Variants in LRRC8C observed in about 807,000 individuals in gnomAD.
The protein encoded by LRRC8C is volume-regulated anion channel subunit LRRC8C.
LRRC8C carries 20 observed loss-of-function variants against 55.3 expected under a neutral mutation model. That is an observed-to-expected ratio of 0.36 (90% CI 0.25 to 0.53). LRRC8C has a LOEUF of 0.53. Among genes scored for constraint, LRRC8C ranks in the 20% least tolerant of loss-of-function variants. The probability of loss-of-function intolerance (pLI) is 0.92; values close to 1 mark genes in which losing one functional copy is unlikely to be tolerated. For missense variants in LRRC8C, 659 were observed against 951.4 expected (o/e 0.69, Z 4.04); for synonymous variants, 376 against 360.7 (o/e 1.04, Z -0.48).
At chr1:89,662,576 C>T (rs772913177) in intron 1 of LRRC8C, among the ~76,000 whole-genome samples, 1 of 152,008 alleles carries the variant, frequency 6.6e-6, no homozygotes, top group East Asian at 1.9e-4. Flanking sequence ...TGGCTTGGAT[C>T]GGGGTAGCAG....
chr1:89,656,062 G>A (rs975243505), intron 1 of LRRC8C, among the ~76,000 whole-genome samples: 4 of 152,214 alleles, frequency 2.6e-5, no homozygotes, highest in African/African-American at 9.7e-5. Context: ...ATCTTACAGC[G>A]AGAGGTACAA....
intron 1 of LRRC8C, among the ~76,000 whole-genome samples, chr1:89,684,988 A>G (rs1403769636): frequency 2.0e-4 from 31 of 152,272 alleles, no homozygotes; most frequent in Non-Finnish European, 1.5e-4. Flanking sequence ...AAATTATTGT[A>G]TAAGAAAGTC....
At chr1:89,663,172 A>T (rs1328338803) in intron 1 of LRRC8C, among the ~76,000 whole-genome samples, 1 of 152,156 alleles carries the variant, frequency 6.6e-6, no homozygotes, top group Non-Finnish European at 1.5e-5. Flanking sequence ...TTATGGCTAC[A>T]TAGTATTCCA....
Position 89,713,561 on chromosome 1 carries a change from G to T in LRRC8C, c.991G>T (p.Gly331Ter). 6.2e-7 allele frequency: 1 copy of T among 1,614,100 alleles called. No individual in the cohort carries two copies. Among genetic ancestry groups the T allele is most frequent in the Non-Finnish European group, 8.5e-7 (1 of 1,180,024 alleles). ...CTATCTGTGCTTTGTTAGTATCTAT[G>T]GATTGACGTGCCTTTATACCTTATA... ...FCYLCFVSIY[G>*]LTCLYTLYWL... is the part of the protein sequence containing the mutation. Residue 331 changes from glycine (G) to a stop codon, truncating the protein, a stop_gained, in exon 3 of 3, where the codon GGA (glycine) becomes TGA (stop). Coordinates refer to ENST00000370454, the MANE Select transcript of LRRC8C (RefSeq NM_032270.5). LOFTEE classifies it high-confidence loss of function. This position sits in a 1 kb window ranked among gnomAD's most constrained non-coding sequence, Gnocchi z 5.2.
intron 1 of LRRC8C, among the ~76,000 whole-genome samples, chr1:89,678,280 G>A (rs2101256594): frequency 6.6e-6 from 1 of 152,348 alleles, no homozygotes; most frequent in South Asian, 2.1e-4. Context: ...CATTAGTTGA[G>A]TATCTAATAC....
At chr1:89,627,868 C>G in the LRRC8C span, among the ~76,000 whole-genome samples, 5 of 152,186 alleles carry the variant, frequency 3.3e-5, no homozygotes, top group African/African-American at 9.7e-5. Context: ...CATCCCAAAT[C>G]TGAGGTGCTC....
intron 2 of LRRC8C, among the ~76,000 whole-genome samples, chr1:89,701,676 C>T (rs995186690): frequency 4.6e-5 from 7 of 152,016 alleles, no homozygotes; most frequent in African/African-American, 1.7e-4. Flanking sequence ...TAATTTGTCT[C>T]GACTAATTTT....
the LRRC8C span, among the ~76,000 whole-genome samples, chr1:89,627,964 A>T: frequency 6.6e-6 from 1 of 152,200 alleles, no homozygotes; most frequent in South Asian, 2.1e-4. Flanking sequence ...CTCAACTGGT[A>T]AGTATAGTGC....
intron 2 of LRRC8C, among the ~76,000 whole-genome samples, chr1:89,700,959 C>T (rs1251908141): frequency 6.6e-6 from 1 of 152,190 alleles, no homozygotes; most frequent in Admixed American, 6.5e-5. Flanking sequence ...AATTTTCTTA[C>T]TTCCTCTTCC....
chr1:89,664,228 C>G (rs937518408), intron 1 of LRRC8C, among the ~76,000 whole-genome samples: 2 of 152,128 alleles, frequency 1.3e-5, no homozygotes, highest in Admixed American at 6.6e-5. Flanking sequence ...TGCCTATGTC[C>G]TGAATGGTAT....
In LRRC8C at chr1:89,634,599, G is replaced by A. The variant is rs147466432; in HGVS notation, c.-5+1277G>A. Among the ~76,000 whole-genome samples the A allele has an allele frequency of 3.3e-3, 506 of 152,324 alleles. 2 individuals carry two copies. The highest frequency in any genetic ancestry group is 0.012 in the African/African-American group (484 of 41,566). ...GAGTAGTCCTCTTGGTTAGCACAATGCTGCAAAATCGCCAGAGCCAATAAT... is the reference window on the plus strand; with the variant it reads ...GAGTAGTCCTCTTGGTTAGCACAATACTGCAAAATCGCCAGAGCCAATAAT... On this transcript the variant is annotated intron_variant, in intron 1 of 2. Coordinates refer to ENST00000370454, the MANE Select transcript of LRRC8C (RefSeq NM_032270.5).
At chr1:89,711,167 T>C (rs1290045184) in intron 2 of LRRC8C, among the ~76,000 whole-genome samples, 2 of 152,212 alleles carry the variant, frequency 1.3e-5, no homozygotes, top group African/African-American at 2.4e-5. Context: ...GAAGGACTAT[T>C]GGCAATTTTG....
rs1193351803 is a variant in LRRC8C at position 89,716,317 on chromosome 1, G to A, written c.*1335G>A. On this transcript the variant is annotated 3_prime_UTR_variant, in exon 3 of 3. Transcript: ENST00000370454. ...CCTGGAATCAATTCCCCATGATACC[G>A]AGGGATGACTGGATATTAATCGATT... 1 of 152,104 alleles carries A rather than the reference G, an allele frequency of 6.6e-6. No individual in the cohort carries two copies. Among genetic ancestry groups the A allele is most frequent in the Non-Finnish European group, 1.5e-5 (1 of 68,016 alleles). 9.4% of individuals were successfully genotyped at this position (152,104 alleles called of 1,614,324 possible). A position where few individuals can be genotyped will look rare whatever the true frequency, so the allele number is the denominator to read the frequency against.
chr1:89,678,623 C>T (rs1201149846), intron 1 of LRRC8C, among the ~76,000 whole-genome samples: 1 of 150,580 alleles, frequency 6.6e-6, no homozygotes, highest in African/African-American at 2.4e-5. Context: ...TCGCATGAAC[C>T]TGGGAGGCAG....
At chr1:89,636,319 T>G (rs1432809889) in intron 1 of LRRC8C, among the ~76,000 whole-genome samples, 1 of 152,204 alleles carries the variant, frequency 6.6e-6, no homozygotes, top group Non-Finnish European at 1.5e-5. Flanking sequence ...CACGTAGTGA[T>G]TAGTCATTGC....
chr1:89,698,053 G>A (rs1364673139), intron 2 of LRRC8C, among the ~76,000 whole-genome samples: 2 of 152,182 alleles, frequency 1.3e-5, no homozygotes, highest in Admixed American at 1.3e-4. Context: ...TGATTCTAAT[G>A]TGGATATGAT....
the LRRC8C span, among the ~76,000 whole-genome samples, chr1:89,623,945 G>A: frequency 7.9e-5 from 12 of 152,304 alleles, no homozygotes; most frequent in South Asian, 2.1e-3. Flanking sequence ...TACACTTTCT[G>A]GGATGGTGGT....
chr1:89,684,155 T>C (rs1657805281), intron 1 of LRRC8C, among the ~76,000 whole-genome samples: 2 of 152,200 alleles, frequency 1.3e-5, no homozygotes, highest in African/African-American at 4.8e-5. Context: ...ATGTAAATAC[T>C]TCAGGGTTCT....
intron 1 of LRRC8C, among the ~76,000 whole-genome samples, chr1:89,677,194 A>T (rs1218631426): frequency 6.6e-6 from 1 of 152,200 alleles, no homozygotes; most frequent in African/African-American, 2.4e-5. Flanking sequence ...ACACCCACCA[A>T]CACCCTTAGA....
Sources: gnomAD v4.1 joint callset for allele counts (sites outside exome capture counted in the v4.1 genomes callset) on GRCh38, gnomAD v4.1.1 for gene constraint, Gnocchi (gnomAD v3.1) non-coding constraint, MANE v1.5 for transcripts, NCBI Gene and HGNC (gene_info 2026-07-23, HGNC 2026-07-21) for gene names.